The following NRXN3 variants were observed in gnomAD, a reference collection of about 807,000 sequenced individuals.
NRXN3 encodes neurexin III.
In NRXN3, 32 loss-of-function variants were observed where a neutral mutation model predicts 137.6. That is an observed-to-expected ratio of 0.23 (90% CI 0.18 to 0.31). The LOEUF is 0.31. Ranked by LOEUF, NRXN3 falls within the 10% of genes least tolerant of loss-of-function variation. The pLI, the probability that NRXN3 is intolerant of heterozygous loss-of-function variation, is 1.00. For missense variants in NRXN3, 1,574 were observed against 2,062.5 expected (o/e 0.76, Z 4.59); for synonymous variants, 798 against 784.5 (o/e 1.02, Z -0.29).
At chr14:79,157,289 C>G (rs1445925273) in intron 15 of NRXN3, among the ~76,000 whole-genome samples, 1 of 151,804 alleles carries the variant, frequency 6.6e-6, no homozygotes, top group Non-Finnish European at 1.5e-5. Context: ...GAATCAACAT[C>G]TCTATCAGCT....
At chr14:79,212,422 C>T (rs2067812399) in intron 15 of NRXN3, among the ~76,000 whole-genome samples, 4 of 152,120 alleles carry the variant, frequency 2.6e-5, no homozygotes, top group Admixed American at 2.6e-4. Flanking sequence ...AATCCATTAA[C>T]TTGCCTGGGG....
chr14:78,721,575 T>A (rs1250850240), intron 8 of NRXN3, among the ~76,000 whole-genome samples: 2 of 152,154 alleles, frequency 1.3e-5, no homozygotes, highest in Non-Finnish European at 2.9e-5. Context: ...CTCGGTTTAG[T>A]TATATCAGCA....
At chr14:79,387,616 G>A (rs1174681274) in intron 15 of NRXN3, among the ~76,000 whole-genome samples, 2 of 151,630 alleles carry the variant, frequency 1.3e-5, no homozygotes, top group African/African-American at 4.8e-5. Flanking sequence ...TATACCTAAA[G>A]GATTATAAAT....
Position 78,243,029 on chromosome 14 carries a change from G to GAGAGAT in NRXN3, c.-64_-59dup. On this transcript the variant is annotated 5_prime_UTR_variant, in exon 2 of 21. Transcript: ENST00000335750. The surrounding 1 kb of genome is among the most constrained non-coding windows in gnomAD (Gnocchi z 4.2). ...TCTTTCCCACTTCTATTGCCAAAGG[G>GAGAGAT]AGAGATCCTCTCCGGGCTGTTCCCT... The GAGAGAT allele has an allele frequency of 8.2e-7, 1 of 1,216,908 alleles. No homozygotes were observed. Among genetic ancestry groups the GAGAGAT allele is most frequent in the Non-Finnish European group, 1.1e-6 (1 of 895,936 alleles). 75.4% of individuals were successfully genotyped at this position (1,216,908 alleles called of 1,614,324 possible). A position where few individuals can be genotyped will look rare whatever the true frequency, so the allele number is the denominator to read the frequency against.
At chr14:79,502,520 C>T (rs11848640) in intron 16 of NRXN3, among the ~76,000 whole-genome samples, 55,146 of 151,472 alleles carry the variant, frequency 0.36, 10,154 homozygotes, top group Middle Eastern at 0.39. Context: ...GCCACACCCC[C>T]CACCCCACCT....
Position 79,277,490 on chromosome 14 carries a change from C to T in NRXN3, c.3263-189731C>T, listed in dbSNP as rs73325777. Among the ~76,000 whole-genome samples, 881 of 152,292 alleles carry T rather than the reference C, an allele frequency of 5.8e-3. 12 individuals are homozygous for T. The highest frequency in any genetic ancestry group is 0.02 in the African/African-American group (833 of 41,556). ...TAGCAATAATAGCATAAGACCCTAACCATGTACTTAACCTGTTCTTCACCT... is the reference window on the plus strand; with the variant it reads ...TAGCAATAATAGCATAAGACCCTAATCATGTACTTAACCTGTTCTTCACCT... On this transcript the variant is annotated intron_variant, in intron 15 of 20. Transcript: ENST00000335750.
chr14:78,974,906 T>A (rs1237489381), intron 14 of NRXN3, among the ~76,000 whole-genome samples: 1 of 152,146 alleles, frequency 6.6e-6, no homozygotes, highest in African/African-American at 2.4e-5. Context: ...AAAAATGTAT[T>A]CAGAAGGAAA....
chr14:79,854,406 G>A (rs543435319), intron 20 of NRXN3, among the ~76,000 whole-genome samples: 8 of 152,128 alleles, frequency 5.3e-5, no homozygotes, highest in African/African-American at 1.2e-4. Context: ...CTTTGGCTAC[G>A]AAGTTGATTT....
intron 17 of NRXN3, among the ~76,000 whole-genome samples, chr14:79,690,696 C>CAATAT (rs2098713360): frequency 6.6e-6 from 1 of 151,938 alleles, no homozygotes; most frequent in African/African-American, 2.4e-5. Flanking sequence ...GAACATCCTC[C>CAATAT]AATATTGCTA....
At chr14:78,772,314 G>A (rs8018507) in intron 8 of NRXN3, among the ~76,000 whole-genome samples, 2,238 of 152,264 alleles carry the variant, frequency 0.015, 37 homozygotes, top group Middle Eastern at 0.034. Flanking sequence ...TATATAGATG[G>A]GGCAAAAATA....
At chr14:78,610,277 C>T (rs1452108457) in intron 4 of NRXN3, among the ~76,000 whole-genome samples, 1 of 152,192 alleles carries the variant, frequency 6.6e-6, no homozygotes, top group Non-Finnish European at 1.5e-5. Context: ...GAGGTAGCTT[C>T]TTCCATAATA....
intron 4 of NRXN3, among the ~76,000 whole-genome samples, chr14:78,412,118 T>G (rs1052069958): frequency 7.2e-5 from 11 of 152,226 alleles, no homozygotes; most frequent in African/African-American, 2.7e-4. Context: ...ACGTTAATGG[T>G]GCTCACTGAT....
intron 20 of NRXN3, among the ~76,000 whole-genome samples, chr14:79,839,399 T>C (rs1292191454): frequency 6.6e-6 from 1 of 152,008 alleles, no homozygotes; most frequent in Non-Finnish European, 1.5e-5. Context: ...TTTTAAAAAG[T>C]GTGTATAGAG....
At chr14:79,300,833 G>T (rs1267442471) in intron 15 of NRXN3, among the ~76,000 whole-genome samples, 1 of 152,074 alleles carries the variant, frequency 6.6e-6, no homozygotes, top group Non-Finnish European at 1.5e-5. Context: ...GTTTCTTGCT[G>T]TGTTTGCCAA....
At chr14:78,409,110 G>C (rs1251561640) in intron 4 of NRXN3, among the ~76,000 whole-genome samples, 1 of 152,174 alleles carries the variant, frequency 6.6e-6, no homozygotes, top group Non-Finnish European at 1.5e-5. Flanking sequence ...CTGGACACTA[G>C]GCTGGTTGCT....
At chr14:78,636,975 T>TTTTA (rs775759769) in intron 4 of NRXN3, among the ~76,000 whole-genome samples, 49 of 152,084 alleles carry the variant, frequency 3.2e-4, no homozygotes, top group Admixed American at 1.3e-3. Flanking sequence ...CTGTGTTTTT[T>TTTTA]TTTATTTTTT....
At chr14:79,590,338 A>AC (rs1399716896) in intron 16 of NRXN3, among the ~76,000 whole-genome samples, 1 of 141,556 alleles carries the variant, frequency 7.1e-6, no homozygotes, top group Non-Finnish European at 1.5e-5. Context: ...GTGCTGCTCC[A>AC]CCTTGCCTTC....
intron 20 of NRXN3, 40 bp downstream of exon 20, chr14:79,805,230 C>G: frequency 6.6e-7 from 1 of 1,520,588 alleles, no homozygotes; most frequent in Admixed American, 1.7e-5. Context: ...TTTCTTTTTT[C>G]TTTTGCAAAA....
Position 79,290,655 on chromosome 14 carries a change from T to C in NRXN3, c.3263-176566T>C, listed in dbSNP as rs952855504. 1.7e-4 allele frequency among the ~76,000 whole-genome samples: 22 copies of C among 132,166 alleles called. No homozygotes were observed. The Admixed American group carries it at 1.9e-3, about 11-fold the overall frequency. The allele number at this position is 132,166 out of a possible 152,430, so 86.7% of individuals were successfully genotyped here. ...TTCCCCAGGCTGGGTTTTGCTCTGG[T>C]GGTTCCAGAAAAAAAAAAAAAAAAA... is the stretch of plus-strand genomic sequence containing the variant. On this transcript the variant is annotated intron_variant, in intron 15 of 20. Transcript: ENST00000335750.
Sources: allele counts gnomAD v4.1 joint callset (sites outside exome capture counted in the v4.1 genomes callset), GRCh38; gene constraint gnomAD v4.1.1; non-coding constraint Gnocchi (gnomAD v3.1); transcripts MANE v1.5; gene names NCBI Gene and HGNC (gene_info 2026-07-23, HGNC 2026-07-21).